The following FHIT variants were observed in gnomAD, a reference collection of about 807,000 sequenced individuals.
FHIT encodes fragile histidine triad diadenosine triphosphatase, also known as bis(5'-adenosyl)-triphosphatase.
Under a neutral mutation model 17.9 loss-of-function variants are expected in FHIT, and 19 were observed. That is an observed-to-expected ratio of 1.06 (90% CI 0.74 to 1.56). FHIT has a LOEUF of 1.56. Among genes scored for constraint, FHIT ranks in the 40% most tolerant of loss-of-function variants. The pLI is 0.00. For synonymous variants in FHIT, 81 were observed against 69.7 expected (o/e 1.16, Z -0.81); for missense variants, 248 against 189.2 (o/e 1.31, Z -1.82).
intron 7 of FHIT, among the ~76,000 whole-genome samples, chr3:59,975,943 C>A (rs1371726113): frequency 6.6e-6 from 1 of 152,032 alleles, no homozygotes; most frequent in East Asian, 1.9e-4. Context: ...CAGTTCCTCC[C>A]CTGTACTAGA....
chr3:61,091,475 T>C (rs1273551316), intron 2 of FHIT, among the ~76,000 whole-genome samples: 1 of 152,186 alleles, frequency 6.6e-6, no homozygotes, highest in Non-Finnish European at 1.5e-5. Flanking sequence ...ACTATTGTTG[T>C]CCTCCTCCTA....
chr3:59,920,833 T>A (rs1172722957), intron 8 of FHIT, among the ~76,000 whole-genome samples: 1 of 152,210 alleles, frequency 6.6e-6, no homozygotes, highest in Non-Finnish European at 1.5e-5. Context: ...CCAAACTGCA[T>A]TCCACATCCA....
chr3:60,061,816 G>A (rs1211220269), intron 5 of FHIT, among the ~76,000 whole-genome samples: 1 of 152,146 alleles, frequency 6.6e-6, no homozygotes, highest in Non-Finnish European at 1.5e-5. Context: ...AAGCAGACAA[G>A]GGAATCATAC....
At chr3:60,000,735 C>T (rs1322517303) in intron 7 of FHIT, among the ~76,000 whole-genome samples, 2 of 151,978 alleles carry the variant, frequency 1.3e-5, no homozygotes, top group Non-Finnish European at 2.9e-5. Context: ...TGTGAAATAC[C>T]CTCTGCCCTG....
intron 5 of FHIT, among the ~76,000 whole-genome samples, chr3:60,197,667 C>T (rs966104933): frequency 5.9e-5 from 9 of 152,124 alleles, no homozygotes; most frequent in African/African-American, 1.9e-4. Context: ...TTAGTACTTC[C>T]GAGGTTGTTC....
intron 5 of FHIT, among the ~76,000 whole-genome samples, chr3:60,188,204 T>C (rs1702243914): frequency 1.1e-5 from 1 of 87,686 alleles, no homozygotes; most frequent in Admixed American, 1.5e-4. Context: ...TGACAGTTTC[T>C]TTCTTTTTTT....
intron 5 of FHIT, among the ~76,000 whole-genome samples, chr3:60,046,185 A>G (rs2106856710): frequency 6.6e-6 from 1 of 152,336 alleles, no homozygotes; most frequent in East Asian, 1.9e-4. Flanking sequence ...GCTGCTTTTC[A>G]CATGCTTCAT....
At chr3:60,930,579 G>A (rs1227142105) in intron 3 of FHIT, among the ~76,000 whole-genome samples, 1 of 152,150 alleles carries the variant, frequency 6.6e-6, no homozygotes, top group Admixed American at 6.5e-5. Context: ...CTTCTCAAAG[G>A]AAGACATTTA....
chr3:60,065,455 C>T (rs926216719), intron 5 of FHIT, among the ~76,000 whole-genome samples: 4 of 152,086 alleles, frequency 2.6e-5, no homozygotes, highest in Admixed American at 2.6e-4. Context: ...CATTAAGTAC[C>T]TAGGACCCAG....
intron 5 of FHIT, among the ~76,000 whole-genome samples, chr3:60,500,580 G>A (rs1439076705): frequency 1.3e-5 from 2 of 151,408 alleles, no homozygotes; most frequent in Non-Finnish European, 2.9e-5. Context: ...GACCAGCCTG[G>A]TCAACATGGT....
chr3:59,807,242 T>A (rs888471294), intron 8 of FHIT, among the ~76,000 whole-genome samples: 1 of 152,232 alleles, frequency 6.6e-6, no homozygotes, highest in African/African-American at 2.4e-5. Context: ...CAATCTTCCA[T>A]CTGGAGCCCC....
Position 60,585,277 on chromosome 3 carries a change from C to A in FHIT, c.-17-48298G>T, listed in dbSNP as rs2037870363. 2.6e-5 allele frequency among the ~76,000 whole-genome samples: 4 copies of A among 151,954 alleles called. No homozygotes were observed. The South Asian group carries it at 8.3e-4, about 31-fold the overall frequency. ...TGCTCCTGAAACGATACAACACATT[C>A]ATGCGTAATCAGAGATACGTAGATT... On this transcript the variant is annotated intron_variant, in intron 4 of 9. Coordinates refer to ENST00000492590, the MANE Select transcript of FHIT (RefSeq NM_002012.4).
At chr3:61,225,011 T>C (rs2106843246) in intron 1 of FHIT, among the ~76,000 whole-genome samples, 1 of 152,276 alleles carries the variant, frequency 6.6e-6, no homozygotes, top group Non-Finnish European at 1.5e-5. Context: ...TTCACTGACC[T>C]CCTTAAGAGG....
chr3:60,988,954 A>G (rs1479884304), intron 3 of FHIT, among the ~76,000 whole-genome samples: 1 of 129,152 alleles, frequency 7.7e-6, no homozygotes, highest in Non-Finnish European at 1.8e-5. Context: ...GTTAAAAAAA[A>G]AAAAAAAAAA....
chr3:60,198,485 C>T (rs889019722), intron 5 of FHIT, among the ~76,000 whole-genome samples: 4 of 152,114 alleles, frequency 2.6e-5, no homozygotes, highest in Non-Finnish European at 5.9e-5. Context: ...AGTGCCTGTC[C>T]TACTGCATGC....
chr3:60,388,101 G>C (rs1701081895), intron 5 of FHIT, among the ~76,000 whole-genome samples: 1 of 152,174 alleles, frequency 6.6e-6, no homozygotes, highest in Non-Finnish European at 1.5e-5. Context: ...ACAGCTTGCA[G>C]AACAATGAGC....
At chr3:61,092,229 C>T (rs149100413) in intron 2 of FHIT, among the ~76,000 whole-genome samples, 2 of 151,936 alleles carry the variant, frequency 1.3e-5, no homozygotes, top group African/African-American at 4.8e-5. Flanking sequence ...GTGGAGAAGG[C>T]TATTCCCCAA....
intron 3 of FHIT, among the ~76,000 whole-genome samples, chr3:60,869,988 T>C (rs1559789162): frequency 1.3e-5 from 2 of 152,204 alleles, no homozygotes; most frequent in African/African-American, 4.8e-5. Flanking sequence ...GATTTGATTC[T>C]TAATTTTTCC....
At chr3:60,298,260 C>T (rs932087761) in intron 5 of FHIT, among the ~76,000 whole-genome samples, 8 of 152,068 alleles carry the variant, frequency 5.3e-5, no homozygotes, top group African/African-American at 1.9e-4. Context: ...GACCCTCTCC[C>T]CTCCCTAGAG....
Sources: allele counts gnomAD v4.1 joint callset (sites outside exome capture counted in the v4.1 genomes callset), GRCh38; gene constraint gnomAD v4.1.1; transcripts MANE v1.5; gene names NCBI Gene and HGNC (gene_info 2026-07-23, HGNC 2026-07-21).